Variants in ABTB3 observed in about 807,000 individuals in gnomAD.
ABTB3 encodes the protein ankyrin repeat- and BTB/POZ domain-containing protein 3.
the ABTB3 span, among the ~76,000 whole-genome samples, chr12:107,348,020 G>T: frequency 6.6e-6 from 1 of 152,074 alleles, no homozygotes; most frequent in Non-Finnish European, 1.5e-5. Context: ...AGAGCAACCA[G>T]GGGTTGAAAG....
the ABTB3 span, chr12:107,544,009 C>T: frequency 6.2e-7 from 1 of 1,614,048 alleles, no homozygotes; most frequent in Non-Finnish European, 8.5e-7. Flanking sequence ...CACCCCCCTG[C>T]ACCACAAGCA....
the ABTB3 span, chr12:107,640,255 C>T: frequency 9.6e-7 from 1 of 1,043,168 alleles, no homozygotes; most frequent in Non-Finnish European, 1.4e-6. Context: ...CAAGATAAAT[C>T]TAAACTTCAT....
At chr12:107,651,583 G>A in the ABTB3 span, 1 of 806,682 alleles carries the variant, frequency 1.2e-6, no homozygotes, top group East Asian at 2.7e-5. Flanking sequence ...GGAAGGTGAA[G>A]ATGAGGACTG....
the ABTB3 span, chr12:107,649,092 T>C: frequency 1.1e-6 from 1 of 897,616 alleles, no homozygotes; most frequent in Admixed American, 2.1e-5. Flanking sequence ...GGGCAACCAT[T>C]TGGAATGGAT....
At chr12:107,459,781 C>A in the ABTB3 span, among the ~76,000 whole-genome samples, 1 of 152,264 alleles carries the variant, frequency 6.6e-6, no homozygotes, top group South Asian at 2.1e-4. Context: ...GTGGCACACA[C>A]AGCCATGCAC....
At chr12:107,606,930 T>C in the ABTB3 span, among the ~76,000 whole-genome samples, 1 of 152,224 alleles carries the variant, frequency 6.6e-6, no homozygotes, top group Non-Finnish European at 1.5e-5. Flanking sequence ...TCTCTTACTC[T>C]GGCCCGCCTC....
chr12:107,566,543 G>A, the ABTB3 span, among the ~76,000 whole-genome samples: 1 of 151,990 alleles, frequency 6.6e-6, no homozygotes, highest in African/African-American at 2.4e-5. Flanking sequence ...AAATCTCTCC[G>A]AAGGTTTGTT....
the ABTB3 span, among the ~76,000 whole-genome samples, chr12:107,382,248 A>G: frequency 0.43 from 65,160 of 151,898 alleles, 14,396 homozygotes; most frequent in East Asian, 0.71. Context: ...GCCTGCAAGG[A>G]TAAGTGTGTT....
the ABTB3 span, among the ~76,000 whole-genome samples, chr12:107,501,025 T>C: frequency 6.6e-6 from 1 of 152,208 alleles, no homozygotes; most frequent in Non-Finnish European, 1.5e-5. Context: ...CTCTGTGACC[T>C]TGGGAAAGTA....
chr12:107,450,620 G>A, the ABTB3 span, among the ~76,000 whole-genome samples: 16 of 152,184 alleles, frequency 1.1e-4, no homozygotes, highest in Non-Finnish European at 1.9e-4. Context: ...GTGGACAGTG[G>A]TTTGTGACAA....
At chr12:107,532,472 C>T in the ABTB3 span, among the ~76,000 whole-genome samples, 1 of 152,126 alleles carries the variant, frequency 6.6e-6, no homozygotes, top group African/African-American at 2.4e-5. Flanking sequence ...TACACTGCTG[C>T]GCCCACCTGG....
the ABTB3 span, among the ~76,000 whole-genome samples, chr12:107,466,259 T>C: frequency 6.6e-6 from 1 of 151,696 alleles, no homozygotes; most frequent in Admixed American, 6.6e-5. Context: ...CAGCAGTTGG[T>C]TTTACCTAAG....
chr12:107,479,359 G>A, the ABTB3 span, among the ~76,000 whole-genome samples: 1 of 151,792 alleles, frequency 6.6e-6, no homozygotes, highest in Non-Finnish European at 1.5e-5. Flanking sequence ...GTGAAGAGGT[G>A]CCCAGGGATT....
At chr12:107,364,275 C>CTTTTCTT in the ABTB3 span, among the ~76,000 whole-genome samples, 1 of 151,866 alleles carries the variant, frequency 6.6e-6, no homozygotes. Context: ...CTCTCAAATA[C>CTTTTCTT]TTTTCTTTTT....
chr12:107,413,703 A>G, the ABTB3 span, among the ~76,000 whole-genome samples: 1 of 152,264 alleles, frequency 6.6e-6, no homozygotes, highest in Non-Finnish European at 1.5e-5. Context: ...GTTGAGTTAA[A>G]GGAGTGATTC....
the ABTB3 span, among the ~76,000 whole-genome samples, chr12:107,463,441 T>A: frequency 5.3e-4 from 81 of 152,248 alleles, no homozygotes; most frequent in African/African-American, 1.9e-3. Context: ...TGATTAGCAC[T>A]TTATACACAT....
chr12:107,638,092 G>GT, the ABTB3 span, among the ~76,000 whole-genome samples: 33 of 152,194 alleles, frequency 2.2e-4, no homozygotes, highest in African/African-American at 7.7e-4. Flanking sequence ...TCTGGGGGGA[G>GT]TTTTTTAATT....
chr12:107,561,971 A>G, the ABTB3 span, among the ~76,000 whole-genome samples: 2 of 152,104 alleles, frequency 1.3e-5, no homozygotes, highest in South Asian at 4.1e-4. Flanking sequence ...TCCTTCTCCC[A>G]TTAGACTTTG....
chr12:107,578,265 T>C, the ABTB3 span, among the ~76,000 whole-genome samples: 2 of 151,856 alleles, frequency 1.3e-5, no homozygotes, highest in Admixed American at 6.6e-5. Context: ...AATAGGTACA[T>C]AGAAAATTCC....
Sources: gnomAD v4.1 joint callset for allele counts (sites outside exome capture counted in the v4.1 genomes callset) on GRCh38, gnomAD v4.1.1 for gene constraint, MANE v1.5 for transcripts, NCBI Gene and HGNC (gene_info 2026-07-23, HGNC 2026-07-21) for gene names.